Variants in PLAGL1 observed in about 807,000 individuals in gnomAD.
PLAGL1 encodes the protein zinc finger protein PLAGL1.
A neutral mutation model predicts 4.6 loss-of-function variants in PLAGL1; 1 was observed. The ratio of observed to expected loss-of-function variants is 0.22; its 90% CI spans 0.08 to 1.03. The LOEUF (loss-of-function observed/expected upper bound fraction) is 1.03, where lower values mean the gene tolerates loss of function less well. Ranked by LOEUF, PLAGL1 falls within the 50% of genes least tolerant of loss-of-function variation. The pLI is 0.58. For missense variants in PLAGL1, 464 were observed against 570.4 expected, an observed-to-expected ratio of 0.81 and a Z score of 1.90; for synonymous variants, 240 against 237.8, an observed-to-expected ratio of 1.01 and a Z score of -0.08.
chr6:144,010,766 A>G (rs576563086), upstream of PLAGL1, among the ~76,000 whole-genome samples: 323 of 152,314 alleles, frequency 2.1e-3, no homozygotes, highest in African/African-American at 7.6e-3. This position sits in a 1 kb window ranked among gnomAD's most constrained non-coding sequence, Gnocchi z 4.1. Flanking sequence ...TATATGGACC[A>G]ATGGAACAGA....
intron 1 of PLAGL1, among the ~76,000 whole-genome samples, chr6:144,019,645 C>A (rs1348113399): frequency 1.3e-5 from 2 of 151,984 alleles, no homozygotes; most frequent in Non-Finnish European, 2.9e-5. Flanking sequence ...GTTAAACAAT[C>A]ATAAATCTAG....
intron 1 of PLAGL1, among the ~76,000 whole-genome samples, chr6:144,001,983 A>G (rs1315182689): frequency 6.6e-6 from 1 of 152,124 alleles, no homozygotes; most frequent in African/African-American, 2.4e-5. Context: ...TATGGGGTGG[A>G]TCCTGAAATT....
chr6:143,945,487 CT>C lies in PLAGL1; in HGVS notation c.152+2497del, dbSNP rs889786334. 1.7e-4 allele frequency among the ~76,000 whole-genome samples: 26 copies of C among 152,214 alleles called. No individual in the cohort carries two copies. The highest frequency in any genetic ancestry group is 6.0e-4 in the African/African-American group (25 of 41,556). ...CTTCAACCTCTGTTGCCTCATCATC[CT>C]TTTTTTGAGATGCAGTCCCACCCTG... On this transcript the variant is annotated intron_variant, in intron 7 of 7. Transcript: ENST00000674357. This position sits in a 1 kb window ranked among gnomAD's most constrained non-coding sequence, Gnocchi z 4.2.
At position 143,985,601 on chromosome 6, in the gene PLAGL1, C is replaced by A. The variant is rs1583435125; in HGVS notation, c.-583-427G>T. 6.6e-6 allele frequency among the ~76,000 whole-genome samples: 1 copy of A among 152,130 alleles called. No homozygotes were observed. Among genetic ancestry groups the A allele is most frequent in the East Asian group, 1.9e-4 (1 of 5,190 alleles). On this transcript the variant is annotated intron_variant, in intron 1 of 7. Coordinates refer to ENST00000674357, the MANE Select transcript of PLAGL1 (RefSeq NM_001317162.2). The surrounding 1 kb of genome is among the most constrained non-coding windows in gnomAD (Gnocchi z 4.4). ...TAACAGCCATTTACAAAAAGTATTTCATTCCTTGTCCATAGTTCTATGTCT... is the reference window on the plus strand; with the variant it reads ...TAACAGCCATTTACAAAAAGTATTTAATTCCTTGTCCATAGTTCTATGTCT...
In PLAGL1 at chr6:143,985,383, C is replaced by A. The variant is rs374424062; in HGVS notation, c.-583-209G>T. ...CATCTACTAGTCTATCGCGATTTCC[C>A]ATTTAATTGTATTAGTGTGTTTTAT... On this transcript the variant is annotated intron_variant, in intron 1 of 7. Coordinates refer to ENST00000674357, the MANE Select transcript of PLAGL1 (RefSeq NM_001317162.2). The surrounding 1 kb of genome is among the most constrained non-coding windows in gnomAD (Gnocchi z 4.4). Among the ~76,000 whole-genome samples the A allele has an allele frequency of 2.0e-5, 3 of 152,094 alleles. No individual in the cohort carries two copies. Among genetic ancestry groups the A allele is most frequent in the Non-Finnish European group, 2.9e-5 (2 of 68,016 alleles).
chr6:144,038,916 C>A (rs1797494718), intron 1 of PLAGL1, among the ~76,000 whole-genome samples: 1 of 152,070 alleles, frequency 6.6e-6, no homozygotes, highest in Non-Finnish European at 1.5e-5. Context: ...ATACTAAAAG[C>A]CATTTTAAAT....
Position 143,979,752 on chromosome 6 carries a change from C to A in PLAGL1, c.-544+5383G>T, listed in dbSNP as rs1274000150. 6.6e-6 allele frequency among the ~76,000 whole-genome samples: 1 copy of A among 151,702 alleles called. No homozygotes were observed. Among genetic ancestry groups the A allele is most frequent in the African/African-American group, 2.4e-5 (1 of 41,316 alleles). On this transcript the variant is annotated intron_variant, in intron 2 of 7. Transcript: ENST00000674357. The surrounding 1 kb of genome is among the most constrained non-coding windows in gnomAD (Gnocchi z 4.6). Reference sequence around the variant, plus strand: ...ATGTATTTATTTACCTAGGTGGTTGCCATTTCTGGTGCTCTTTACTGCTAT... The same window carrying A: ...ATGTATTTATTTACCTAGGTGGTTGACATTTCTGGTGCTCTTTACTGCTAT...
At position 144,034,031 on chromosome 6, in the gene PLAGL1, T is replaced by C. The variant is rs534474174; in HGVS notation, c.-151+30437A>G. ...AAAATCAAAAACACATGGATGCTTT[T>C]ACTACACTACAGACATGGTCTCCAT... On this transcript the variant is annotated intron_variant, in intron 1 of 3. Coordinates refer to the PLAGL1 transcript ENST00000437412. This position sits in a 1 kb window ranked among gnomAD's most constrained non-coding sequence, Gnocchi z 4.7. Among the ~76,000 whole-genome samples the C allele has an allele frequency of 1.6e-4, 24 of 152,346 alleles. No homozygotes were observed. The highest frequency in any genetic ancestry group is 1.5e-3 in the Admixed American group (23 of 15,310).
At chr6:143,976,996 C>T (rs1015248566) in intron 2 of PLAGL1, among the ~76,000 whole-genome samples, 7 of 151,932 alleles carry the variant, frequency 4.6e-5, no homozygotes, top group Non-Finnish European at 7.4e-5. Flanking sequence ...ATTTCCTGTT[C>T]GATTTTTTTA....
In PLAGL1 at chr6:143,984,748, C is replaced by T. The variant is rs562741663; in HGVS notation, c.-544+387G>A. Among the ~76,000 whole-genome samples, 5 of 152,120 alleles carry T rather than the reference C, an allele frequency of 3.3e-5. No individual in the cohort carries two copies. Among genetic ancestry groups the T allele is most frequent in the East Asian group, 1.9e-4 (1 of 5,178 alleles). On this transcript the variant is annotated intron_variant, in intron 2 of 7. Coordinates refer to ENST00000674357, the MANE Select transcript of PLAGL1 (RefSeq NM_001317162.2). This position sits in a 1 kb window ranked among gnomAD's most constrained non-coding sequence, Gnocchi z 5.5. ...GGTTTAGTATATTTCAATTCTCCTC[C>T]GTAAAAATGACACTTCATAGACTAT...
In PLAGL1 at chr6:144,027,208, A is replaced by C; in HGVS notation, c.-151+37260T>G. The stretch of plus-strand genomic sequence containing the variant: ...CACTGCACTCCAGCTTGGGTGACAG[A>C]GAAAGACCCCAACTCAAAGAACGAA... On this transcript the variant is annotated intron_variant, in intron 1 of 3. Coordinates refer to the PLAGL1 transcript ENST00000437412. This position sits in a 1 kb window ranked among gnomAD's most constrained non-coding sequence, Gnocchi z 5.8. Among the ~76,000 whole-genome samples, 1 of 150,772 alleles carries C rather than the reference A, an allele frequency of 6.6e-6. No homozygotes were observed. The highest frequency in any genetic ancestry group is 1.5e-5 in the Non-Finnish European group (1 of 67,950).
Position 143,990,931 on chromosome 6 carries a change from A to G in PLAGL1, c.-583-5757T>C, listed in dbSNP as rs1334062829. Among the ~76,000 whole-genome samples, 3 of 152,208 alleles carry G rather than the reference A, an allele frequency of 2.0e-5. No homozygotes were observed. The highest frequency in any genetic ancestry group is 7.2e-5 in the African/African-American group (3 of 41,446). ...TTTCTGTGTTGACCACTTGGTGTCA[A>G]TTATTTAATTGTTCCAACCACATGA... On this transcript the variant is annotated intron_variant, in intron 1 of 7. Coordinates refer to ENST00000674357, the MANE Select transcript of PLAGL1 (RefSeq NM_001317162.2). The surrounding 1 kb of genome is among the most constrained non-coding windows in gnomAD (Gnocchi z 5.4).
In PLAGL1 at chr6:143,992,671, C is replaced by G. The variant is rs545060278; in HGVS notation, c.-583-7497G>C. ...GATCTCCTGTCAAATTTACTTGTAG[C>G]TCTAGGAGAAGAGGTAAGAAAAAAC... On this transcript the variant is annotated intron_variant, in intron 1 of 7. Coordinates refer to ENST00000674357, the MANE Select transcript of PLAGL1 (RefSeq NM_001317162.2). Among the ~76,000 whole-genome samples the G allele has an allele frequency of 1.5e-3, 229 of 152,278 alleles. 1 individual carries two copies. The highest frequency in any genetic ancestry group is 1.7e-3 in the Non-Finnish European group (116 of 68,004).
rs1169134108 is a variant in PLAGL1, at chr6:143,985,862, C to T, written c.-583-688G>A. Among the ~76,000 whole-genome samples, 5 of 149,534 alleles carry T rather than the reference C, an allele frequency of 3.3e-5. No individual in the cohort carries two copies. In the East Asian group the frequency reaches 9.9e-4, roughly 29 times the overall value. On this transcript the variant is annotated intron_variant, in intron 1 of 7. Transcript: ENST00000674357. This position sits in a 1 kb window ranked among gnomAD's most constrained non-coding sequence, Gnocchi z 4.4. Reference sequence around the variant, plus strand: ...ATTACTAACAAGAAACCTCTGAGTGCTTACCATCGGCCAAGCTACATATTA... The same window carrying T: ...ATTACTAACAAGAAACCTCTGAGTGTTTACCATCGGCCAAGCTACATATTA...
At position 143,942,697 on chromosome 6, in the gene PLAGL1, GTTGTT is replaced by G. The variant is rs1778906694; in HGVS notation, c.153-39_153-35del. 6.5e-7 allele frequency: 1 copy of G among 1,536,516 alleles called. No homozygotes were observed. Among genetic ancestry groups the G allele is most frequent in the Non-Finnish European group, 8.9e-7 (1 of 1,127,014 alleles). Reference sequence around the variant, plus strand: ...AGAAGGAGAAATTTCACAATAGAGAGTTGTTTTAAGAGCTGAAGAAAGGTGTAGCA... The same window carrying G: ...AGAAGGAGAAATTTCACAATAGAGAGTTAAGAGCTGAAGAAAGGTGTAGCA... On this transcript the variant is annotated intron_variant, in intron 7 of 7. Transcript: ENST00000674357. The surrounding 1 kb of genome is among the most constrained non-coding windows in gnomAD (Gnocchi z 7.6).
chr6:144,056,417 T>C lies in PLAGL1; in HGVS notation c.-151+8051A>G, dbSNP rs1230175806. ...GTGTTTGGACAAATTTATAACAGCA[T>C]ATATCTACTAATATAGTGCCATACA... On this transcript the variant is annotated intron_variant, in intron 1 of 3. Coordinates refer to the PLAGL1 transcript ENST00000437412. The surrounding 1 kb of genome is among the most constrained non-coding windows in gnomAD (Gnocchi z 4.7). Among the ~76,000 whole-genome samples, 2 of 152,216 alleles carry C rather than the reference T, an allele frequency of 1.3e-5. No homozygotes were observed. The highest frequency in any genetic ancestry group is 2.1e-4 in the South Asian group (1 of 4,834).
chr6:144,064,429 C>T lies in PLAGL1; in HGVS notation c.-151+39G>A, dbSNP rs1268416187. On this transcript the variant is annotated intron_variant, in intron 1 of 3. Transcript: ENST00000437412. This position sits in a 1 kb window ranked among gnomAD's most constrained non-coding sequence, Gnocchi z 6.8. Reference sequence around the variant, plus strand: ...CTCCCCGCCCCGCTGCCAGCCAGTTCTCTCGCTCGCCCCTGCCTCACCTGC... The same window carrying T: ...CTCCCCGCCCCGCTGCCAGCCAGTTTTCTCGCTCGCCCCTGCCTCACCTGC... The T allele has an allele frequency of 6.6e-6, 1 of 152,468 alleles. No homozygotes were observed. Among genetic ancestry groups the T allele is most frequent in the African/African-American group, 2.4e-5 (1 of 41,460 alleles). The allele number at this position is 152,468 out of a possible 1,614,324, so 9.4% of individuals were successfully genotyped here.
intron 1 of PLAGL1, among the ~76,000 whole-genome samples, chr6:144,021,616 C>T (rs927995947): frequency 3.3e-5 from 5 of 152,272 alleles, no homozygotes; most frequent in African/African-American, 1.2e-4. Flanking sequence ...ACATGGTAAA[C>T]ATGGAGGTCA....
intron 1 of PLAGL1, among the ~76,000 whole-genome samples, chr6:144,018,466 A>G (rs939027658): frequency 3.3e-5 from 5 of 152,220 alleles, no homozygotes; most frequent in Admixed American, 6.5e-5. Context: ...AGTGTACACT[A>G]TGGTGACTAT....
Sources: gnomAD v4.1 joint callset for allele counts (sites outside exome capture counted in the v4.1 genomes callset) on GRCh38, gnomAD v4.1.1 for gene constraint, Gnocchi (gnomAD v3.1) non-coding constraint, MANE v1.5 for transcripts, NCBI Gene and HGNC (gene_info 2026-07-23, HGNC 2026-07-21) for gene names.